NLGN1: variants seen among roughly 807,000 people sequenced by gnomAD.
NLGN1 encodes the protein neuroligin-1.
Under a neutral mutation model 65.5 loss-of-function variants are expected in NLGN1, and 12 were observed. The ratio of observed to expected loss-of-function variants is 0.18; its 90% CI spans 0.12 to 0.30. NLGN1 has a LOEUF of 0.30. Ranked by LOEUF, NLGN1 falls within the 10% of genes least tolerant of loss-of-function variation. NLGN1 has a pLI of 1.00. For synonymous variants in NLGN1, 350 were observed against 359.5 expected, an observed-to-expected ratio of 0.97 and a Z score of 0.30; for missense variants, 750 against 1,007.1, an observed-to-expected ratio of 0.74 and a Z score of 3.46.
chr3:173,692,662 C>T (rs139634545), intron 3 of NLGN1, among the ~76,000 whole-genome samples: 376 of 152,004 alleles, frequency 2.5e-3, no homozygotes, highest in Non-Finnish European at 4.5e-3. Context: ...TTTGGAAGTA[C>T]GCAGAAGGCT....
chr3:174,075,660 A>G (rs1439985668), intron 4 of NLGN1, among the ~76,000 whole-genome samples: 2 of 152,154 alleles, frequency 1.3e-5, no homozygotes, highest in African/African-American at 2.4e-5. Context: ...AAGCATTTCT[A>G]TATTAAAAAA....
chr3:174,273,291 ACTCT>A (rs10589673), intron 4 of NLGN1, among the ~76,000 whole-genome samples: 39 of 150,484 alleles, frequency 2.6e-4, no homozygotes, highest in African/African-American at 7.8e-4. Flanking sequence ...TCTTTCATTC[ACTCT>A]CTCTCTCTCT....
chr3:173,607,405 A>G (rs1461550736), intron 3 of NLGN1, among the ~76,000 whole-genome samples: 1 of 151,808 alleles, frequency 6.6e-6, no homozygotes, highest in African/African-American at 2.4e-5. Context: ...TGGGAATTTA[A>G]TATATCCAAT....
intron 2 of NLGN1, among the ~76,000 whole-genome samples, chr3:173,523,947 G>T (rs1410164402): frequency 7.5e-6 from 1 of 134,184 alleles, no homozygotes. Flanking sequence ...TTGAGACAGA[G>T]TCACTCTCTG....
intron 4 of NLGN1, among the ~76,000 whole-genome samples, chr3:173,932,703 A>G (rs1003943453): frequency 3.3e-5 from 5 of 152,164 alleles, no homozygotes; most frequent in Admixed American, 6.6e-5. Flanking sequence ...AATCTTGATG[A>G]GAGTGATGGT....
At chr3:173,918,497 G>T (rs1045878659) in intron 4 of NLGN1, among the ~76,000 whole-genome samples, 1 of 151,930 alleles carries the variant, frequency 6.6e-6, no homozygotes, top group African/African-American at 2.4e-5. Flanking sequence ...GCGCCATGCG[G>T]CAGCGTGTGC....
At chr3:173,406,204 A>G (rs1001552877) in intron 1 of NLGN1, among the ~76,000 whole-genome samples, 1 of 152,076 alleles carries the variant, frequency 6.6e-6, no homozygotes, top group Non-Finnish European at 1.5e-5. Context: ...GAGAAAGATT[A>G]CTAAATAAAT....
chr3:173,637,160 A>G (rs1756725431), intron 3 of NLGN1, among the ~76,000 whole-genome samples: 1 of 152,090 alleles, frequency 6.6e-6, no homozygotes, highest in Non-Finnish European at 1.5e-5. Flanking sequence ...TTGTATAGGG[A>G]CTCACCTAGC....
At chr3:173,662,132 A>G (rs914110538) in intron 3 of NLGN1, among the ~76,000 whole-genome samples, 3 of 152,022 alleles carry the variant, frequency 2.0e-5, no homozygotes, top group Admixed American at 6.6e-5. Context: ...CACTTTATCC[A>G]TGGCTGCTGA....
At chr3:173,441,357 C>A (rs773304480) in intron 2 of NLGN1, among the ~76,000 whole-genome samples, 24 of 152,152 alleles carry the variant, frequency 1.6e-4, no homozygotes, top group Non-Finnish European at 2.9e-5. Context: ...CCATTTGAAA[C>A]AAGAGCCCTA....
chr3:173,478,534 A>G (rs983182539), intron 2 of NLGN1, among the ~76,000 whole-genome samples: 1 of 152,200 alleles, frequency 6.6e-6, no homozygotes, highest in Non-Finnish European at 1.5e-5. Context: ...CATCCTACAC[A>G]TGTATGCTGC....
intron 4 of NLGN1, among the ~76,000 whole-genome samples, chr3:173,857,239 G>T (rs1578820800): frequency 1.3e-5 from 2 of 152,092 alleles, no homozygotes; most frequent in African/African-American, 4.8e-5. Flanking sequence ...GGACACAAGT[G>T]TTACTGTTGA....
intron 4 of NLGN1, among the ~76,000 whole-genome samples, chr3:174,054,906 T>C (rs1735713200): frequency 6.6e-6 from 1 of 152,030 alleles, no homozygotes; most frequent in South Asian, 2.1e-4. Flanking sequence ...TGCAAGCCAG[T>C]TGATGCCCCC....
At chr3:173,650,688 G>T (rs1339918493) in intron 3 of NLGN1, among the ~76,000 whole-genome samples, 1 of 152,122 alleles carries the variant, frequency 6.6e-6, no homozygotes, top group Non-Finnish European at 1.5e-5. Flanking sequence ...GTATTCAGTT[G>T]TCTCAACATA....
upstream of NLGN1, chr3:173,396,585 G>T (rs1444913800): frequency 6.6e-6 from 1 of 152,154 alleles, no homozygotes; most frequent in Non-Finnish European, 1.5e-5. Context: ...TTTTAAAAGG[G>T]GGAGGGAGCG....
intron 4 of NLGN1, among the ~76,000 whole-genome samples, chr3:173,961,299 G>A (rs1713503342): frequency 6.6e-6 from 1 of 152,010 alleles, no homozygotes; most frequent in African/African-American, 2.4e-5. Flanking sequence ...AGAAACAATT[G>A]TAGGAGGACC....
rs554993550 is a variant in NLGN1, at chr3:174,154,751, G to A, written c.647-120564G>A. Among the ~76,000 whole-genome samples the A allele has an allele frequency of 3.3e-5, 5 of 150,406 alleles. No individual in the cohort carries two copies. In the South Asian group the frequency reaches 1.0e-3, roughly 31 times the overall value. On this transcript the variant is annotated intron_variant, in intron 4 of 6. Coordinates refer to ENST00000457714, the Ensembl canonical transcript of NLGN1. ...TATGTAGATGGTTGTGCATATGTTT[G>A]TATGTATATGTATTTATATACATGC...
chr3:173,724,716 A>G (rs1204506434), intron 3 of NLGN1, among the ~76,000 whole-genome samples: 1 of 152,198 alleles, frequency 6.6e-6, no homozygotes, highest in Non-Finnish European at 1.5e-5. Context: ...TCATGCTACT[A>G]TAAAGACACA....
chr3:174,085,787 T>G (rs1031272367), intron 4 of NLGN1, among the ~76,000 whole-genome samples: 1 of 152,048 alleles, frequency 6.6e-6, no homozygotes, highest in Non-Finnish European at 1.5e-5. Flanking sequence ...GCAAAAAGAT[T>G]TAAAAATACA....
Sources: gnomAD v4.1 joint callset for allele counts (sites outside exome capture counted in the v4.1 genomes callset) on GRCh38, gnomAD v4.1.1 for gene constraint, MANE v1.5 for transcripts, NCBI Gene and HGNC (gene_info 2026-07-23, HGNC 2026-07-21) for gene names.